Variants in SRGAP3 observed in about 807,000 individuals in gnomAD.
SRGAP3 encodes the protein SLIT-ROBO Rho GTPase activating protein 3, also known as SLIT-ROBO Rho GTPase-activating protein 3.
SRGAP3 carries 39 observed loss-of-function variants against 121.1 expected under a neutral mutation model. That is an observed-to-expected ratio of 0.32 (90% CI 0.25 to 0.42). The LOEUF is 0.42. Among genes scored for constraint, SRGAP3 ranks in the 10% least tolerant of loss-of-function variants. The probability of loss-of-function intolerance (pLI) is 1.00; values close to 1 mark genes in which losing one functional copy is unlikely to be tolerated. For synonymous variants in SRGAP3, 601 were observed against 570.0 expected (o/e 1.05, Z -0.77); for missense variants, 1,213 against 1,470.6 (o/e 0.82, Z 2.86).
intron 1 of SRGAP3, among the ~76,000 whole-genome samples, chr3:9,339,249 C>A (rs1252583064): frequency 6.6e-6 from 1 of 152,206 alleles, no homozygotes; most frequent in Non-Finnish European, 1.5e-5. Flanking sequence ...TTCATACATA[C>A]CTTCATTCAG....
At chr3:9,170,214 A>T (rs1485166422) in intron 1 of SRGAP3, among the ~76,000 whole-genome samples, 1 of 152,140 alleles carries the variant, frequency 6.6e-6, no homozygotes, top group Middle Eastern at 3.2e-3. Flanking sequence ...CACCTCTCAA[A>T]TCTACAAACC....
At chr3:9,088,381 A>G (rs1416840987) in intron 3 of SRGAP3, among the ~76,000 whole-genome samples, 1 of 152,140 alleles carries the variant, frequency 6.6e-6, no homozygotes, top group Non-Finnish European at 1.5e-5. Flanking sequence ...GAGGCTGACC[A>G]ATCTCAAGAG....
At chr3:9,201,958 G>A (rs1196768000) in intron 1 of SRGAP3, among the ~76,000 whole-genome samples, 1 of 152,134 alleles carries the variant, frequency 6.6e-6, no homozygotes, top group African/African-American at 2.4e-5. Context: ...CGAATGGCAA[G>A]GATAGGCTTC....
intron 1 of SRGAP3, among the ~76,000 whole-genome samples, chr3:9,227,667 AT>A (rs1398665207): frequency 1.3e-5 from 2 of 152,246 alleles, no homozygotes; most frequent in African/African-American, 4.8e-5. Context: ...ATCAAATTAC[AT>A]TGCGATGTTT....
At chr3:9,233,313 G>A (rs924919494) in intron 1 of SRGAP3, among the ~76,000 whole-genome samples, 28 of 152,136 alleles carry the variant, frequency 1.8e-4, no homozygotes, top group Non-Finnish European at 7.4e-5. Context: ...CTCCACCCAG[G>A]GCATCACAGC....
intron 4 of SRGAP3, among the ~76,000 whole-genome samples, chr3:9,074,303 C>G (rs1333522424): frequency 6.6e-6 from 1 of 152,172 alleles, no homozygotes; most frequent in Non-Finnish European, 1.5e-5. Flanking sequence ...TTGCTAGGCA[C>G]TGGGCTATAC....
intron 12 of SRGAP3, among the ~76,000 whole-genome samples, chr3:9,028,591 T>C (rs1944324337): frequency 6.6e-6 from 1 of 152,194 alleles, no homozygotes; most frequent in African/African-American, 2.4e-5. Context: ...ACTGGAACAA[T>C]GTCTCTGGAA....
intron 2 of SRGAP3, among the ~76,000 whole-genome samples, chr3:9,117,902 T>C (rs1330563783): frequency 1.3e-5 from 2 of 152,176 alleles, no homozygotes; most frequent in African/African-American, 4.8e-5. Context: ...GAGAATTGCT[T>C]GAGTCCAGAA....
At chr3:9,106,444 G>T (rs538614715) in intron 2 of SRGAP3, among the ~76,000 whole-genome samples, 168 of 152,306 alleles carry the variant, frequency 1.1e-3, no homozygotes, top group African/African-American at 3.7e-3. Context: ...GCTGGCCAAG[G>T]TTCTGTTCTT....
At chr3:9,001,040 T>A (rs1435267209) in intron 18 of SRGAP3, among the ~76,000 whole-genome samples, 1 of 151,964 alleles carries the variant, frequency 6.6e-6, no homozygotes, top group African/African-American at 2.4e-5. Flanking sequence ...AAAAAATAAC[T>A]CAAAAATAGT....
chr3:9,313,620 T>C (rs907419431), intron 3 of SRGAP3, among the ~76,000 whole-genome samples: 2 of 151,602 alleles, frequency 1.3e-5, no homozygotes, highest in African/African-American at 4.9e-5. Context: ...GAGGTTGCAG[T>C]GAGCCAAGAT....
intron 1 of SRGAP3, chr3:9,330,744 AAAG>A (rs2125285965): frequency 6.6e-6 from 1 of 152,310 alleles, no homozygotes; most frequent in East Asian, 1.9e-4. Flanking sequence ...TATAGACAAA[AAAG>A]GTAAAGTGAC....
At chr3:9,172,859 G>C (rs944246621) in intron 1 of SRGAP3, among the ~76,000 whole-genome samples, 2 of 152,262 alleles carry the variant, frequency 1.3e-5, no homozygotes, top group African/African-American at 4.8e-5. Context: ...CTGGAAGGAG[G>C]CCCTGGTGCG....
At chr3:9,331,926 T>C (rs1955614534) in intron 1 of SRGAP3, among the ~76,000 whole-genome samples, 1 of 151,992 alleles carries the variant, frequency 6.6e-6, no homozygotes, top group Non-Finnish European at 1.5e-5. Context: ...CATAAAATAG[T>C]GAAAAGTAAT....
chr3:9,024,956 C>CAGTGGT (rs1409596748), intron 14 of SRGAP3, among the ~76,000 whole-genome samples: 3 of 152,046 alleles, frequency 2.0e-5, no homozygotes, highest in South Asian at 2.1e-4. Flanking sequence ...GTAGTAGTAA[C>CAGTGGT]AGTGGTGGTG....
At chr3:8,986,568 A>G (rs1941719165) in intron 21 of SRGAP3, among the ~76,000 whole-genome samples, 1 of 152,200 alleles carries the variant, frequency 6.6e-6, no homozygotes, top group Non-Finnish European at 1.5e-5. Flanking sequence ...AAGGTCACAC[A>G]GCTAATTAGC....
At chr3:9,035,366 A>C (rs942455434) in intron 11 of SRGAP3, 2 of 168,614 alleles carry the variant, frequency 1.2e-5, no homozygotes, top group East Asian at 2.4e-4. Context: ...TTTCCTGCCC[A>C]ATCCAGAAAG....
rs1156597319 is a variant in SRGAP3 at position 9,123,730 on chromosome 3, A to ATGTGTGTGTGTGTGTGTGTGTG, written c.260+994_260+995insCACACACACACACACACACACA. Among the ~76,000 whole-genome samples the ATGTGTGTGTGTGTGTGTGTGTG allele has an allele frequency of 3.6e-5, 4 of 110,240 alleles. 1 individual carries two copies. Among genetic ancestry groups the ATGTGTGTGTGTGTGTGTGTGTG allele is most frequent in the East Asian group, 4.3e-4 (2 of 4,622 alleles). 72.3% of individuals were successfully genotyped at this position (110,240 alleles called of 152,430 possible). A position where few individuals can be genotyped will look rare whatever the true frequency, so the allele number is the denominator to read the frequency against. On this transcript the variant is annotated intron_variant, in intron 2 of 21. Transcript: ENST00000383836. Reference sequence around the variant, plus strand: ...AAAATATATATATATATATATGTATATATGTGTGTGTGTGTGTGTGTGTGT... The same window carrying ATGTGTGTGTGTGTGTGTGTGTG: ...AAAATATATATATATATATATGTATATGTGTGTGTGTGTGTGTGTGTGTATGTGTGTGTGTGTGTGTGTGTGT...
At chr3:9,302,377 TC>T (rs139305188) in intron 3 of SRGAP3, among the ~76,000 whole-genome samples, 5 of 152,258 alleles carry the variant, frequency 3.3e-5, no homozygotes, top group African/African-American at 1.2e-4. Flanking sequence ...CTCGCTCTAC[TC>T]CTAGATAGTG....
Sources: allele counts gnomAD v4.1 joint callset (sites outside exome capture counted in the v4.1 genomes callset), GRCh38; gene constraint gnomAD v4.1.1; transcripts MANE v1.5; gene names NCBI Gene and HGNC (gene_info 2026-07-23, HGNC 2026-07-21).